Variants in ADAM32 observed in about 807,000 individuals in gnomAD.
The protein encoded by ADAM32 is ADAM metallopeptidase domain 32, also known as disintegrin and metalloproteinase domain-containing protein 32.
A neutral mutation model predicts 114.9 loss-of-function variants in ADAM32; 89 were observed. The ratio of observed to expected loss-of-function variants is 0.77; its 90% CI spans 0.65 to 0.92. The LOEUF (loss-of-function observed/expected upper bound fraction) is 0.92, where lower values mean the gene tolerates loss of function less well. Ranked by LOEUF, ADAM32 falls within the 40% of genes least tolerant of loss-of-function variation. The pLI is 0.00. For synonymous variants in ADAM32, 285 were observed against 307.5 expected (o/e 0.93, Z 0.77); for missense variants, 870 against 932.8 (o/e 0.93, Z 0.88).
intron 14 of ADAM32, chr8:39,224,166 A>G (rs779938224): frequency 2.8e-4 from 43 of 152,164 alleles, no homozygotes; most frequent in Non-Finnish European, 5.7e-4. Context: ...AGATTGTGCT[A>G]TACTTTTTCA....
intron 6 of ADAM32, 76 bp from the exon 7 acceptor site, chr8:39,160,821 T>A: frequency 7.9e-7 from 1 of 1,258,752 alleles, no homozygotes; most frequent in South Asian, 1.5e-5. Context: ...TGCTGTGGTA[T>A]TAGCTTTAAA....
intron 20 of ADAM32, 66 bp downstream of exon 20, chr8:39,270,980 A>G (rs1812682182): frequency 6.8e-7 from 1 of 1,469,104 alleles, no homozygotes; most frequent in African/African-American, 1.4e-5. Flanking sequence ...ATAATTCACA[A>G]TTTATTTCCA....
chr8:39,211,144 G>T lies in ADAM32; in HGVS notation c.1053G>T (p.Val351=). The change falls in exon 12 of 25, where the codon GTG becomes GTT. Residue 351 remains valine (V), a splice_region_variant and synonymous_variant. Coordinates refer to ENST00000379907, the MANE Select transcript of ADAM32 (RefSeq NM_145004.7). ...TGACATTATATGGATTCATCTTTAG[G>T]CAATCCAATGGTGTGAAGACTTTTA... ...ESTCIMNPEV[V]QSNGVKTFSS... 6.4e-7 allele frequency: 1 copy of T among 1,555,900 alleles called. No individual in the cohort carries two copies. Among genetic ancestry groups the T allele is most frequent in the South Asian group, 1.3e-5 (1 of 79,924 alleles).
intron 11 of ADAM32, among the ~76,000 whole-genome samples, chr8:39,193,924 C>G (rs1242757410): frequency 6.6e-6 from 1 of 152,172 alleles, no homozygotes; most frequent in East Asian, 1.9e-4. Flanking sequence ...ATAGGTGGTG[C>G]CAGCCAAAGT....
intron 10 of ADAM32, among the ~76,000 whole-genome samples, chr8:39,174,512 A>G (rs1299545135): frequency 2.0e-5 from 3 of 150,012 alleles, no homozygotes; most frequent in Non-Finnish European, 4.4e-5. Flanking sequence ...TTATTTGTTT[A>G]TTTTTTATTA....
At chr8:39,193,707 A>AT (rs1806750650) in intron 11 of ADAM32, among the ~76,000 whole-genome samples, 1 of 151,608 alleles carries the variant, frequency 6.6e-6, no homozygotes. Context: ...TGGGGGTTTG[A>AT]TTTTGGTATC....
intron 12 of ADAM32, 56 bp from the exon 13 acceptor site, chr8:39,221,554 A>G: frequency 7.3e-7 from 1 of 1,371,352 alleles, no homozygotes; most frequent in Non-Finnish European, 1.0e-6. Context: ...AACTCCTAGT[A>G]AAGATTTTAC....
intron 11 of ADAM32, among the ~76,000 whole-genome samples, chr8:39,189,533 A>G (rs779621736): frequency 1.3e-5 from 2 of 152,104 alleles, no homozygotes; most frequent in Non-Finnish European, 2.9e-5. Context: ...TGATATTTTC[A>G]TATCTGTATA....
In ADAM32 at chr8:39,165,049, T is replaced by C; in HGVS notation, c.686T>C (p.Val229Ala). 3.1e-6 allele frequency: 5 copies of C among 1,600,736 alleles called. No homozygotes were observed. Among genetic ancestry groups the C allele is most frequent in the Non-Finnish European group, 4.3e-6 (5 of 1,174,148 alleles). ...TTTTAGATGTTCACCCAATTTAAAG[T>C]TACTATTGTGCTGTCATCATTGGAG... ...LANSMFTQFK[V>A]TIVLSSLELW... Residue 229 changes from valine to alanine, a missense_variant, in exon 9 of 25, where the codon GTT becomes GCT. By Grantham distance (64) the Val-to-Ala change is moderately conservative (BLOSUM62 0). Coordinates refer to ENST00000379907, the MANE Select transcript of ADAM32 (RefSeq NM_145004.7).
intron 19 of ADAM32, among the ~76,000 whole-genome samples, chr8:39,264,182 G>T (rs1318434463): frequency 2.6e-5 from 4 of 152,114 alleles, no homozygotes; most frequent in Non-Finnish European, 5.9e-5. Context: ...TAAATTGTGT[G>T]TCACTGGGGT....
In ADAM32 at chr8:39,274,280, A is replaced by T. The variant is rs1812934854; in HGVS notation, c.2202-32A>T. On this transcript the variant is annotated intron_variant, in intron 20 of 24. Coordinates refer to ENST00000379907, the MANE Select transcript of ADAM32 (RefSeq NM_145004.7). ...GAAGTTGGCAAGTTTTCTTAGTACTAACTTGAGACATTGCTTTCAATTTTT... is the reference window on the plus strand; with the variant it reads ...GAAGTTGGCAAGTTTTCTTAGTACTTACTTGAGACATTGCTTTCAATTTTT... 10 of 1,611,936 alleles carry T rather than the reference A, an allele frequency of 6.2e-6. No individual in the cohort carries two copies. The African/African-American group carries it at 8.0e-5, about 13-fold the overall frequency.
intron 3 of ADAM32, among the ~76,000 whole-genome samples, chr8:39,144,967 G>GAAGAC (rs200230885): frequency 0.015 from 2,234 of 152,278 alleles, 23 homozygotes; most frequent in Non-Finnish European, 0.023. Context: ...CAAGTTCAGT[G>GAAGAC]AAGTTGTGGG....
intron 6 of ADAM32, among the ~76,000 whole-genome samples, chr8:39,152,862 C>A (rs2129445628): frequency 6.6e-6 from 1 of 152,206 alleles, no homozygotes; most frequent in African/African-American, 2.4e-5. Context: ...AAAATTATGG[C>A]CAATGACGTG....
At chr8:39,180,650 A>G (rs1247934110) in intron 10 of ADAM32, among the ~76,000 whole-genome samples, 3 of 152,184 alleles carry the variant, frequency 2.0e-5, no homozygotes, top group African/African-American at 7.2e-5. Context: ...TAAATACACC[A>G]ATTGGCACTC....
intron 10 of ADAM32, among the ~76,000 whole-genome samples, chr8:39,186,043 A>G (rs921186961): frequency 6.6e-6 from 1 of 152,198 alleles, no homozygotes. Flanking sequence ...GTCCTCAGCC[A>G]TGTCAATCCA....
chr8:39,142,694 T>C (rs1803239637), intron 3 of ADAM32, among the ~76,000 whole-genome samples: 1 of 152,186 alleles, frequency 6.6e-6, no homozygotes, highest in Admixed American at 6.5e-5. Context: ...GGGTTGCTCT[T>C]CCCGAGGAAT....
chr8:39,245,759 T>G (rs544128672), intron 16 of ADAM32, among the ~76,000 whole-genome samples: 3 of 152,218 alleles, frequency 2.0e-5, no homozygotes, highest in Non-Finnish European at 4.4e-5. Context: ...AAGTAGACAA[T>G]ATAATATCCT....
intron 10 of ADAM32, among the ~76,000 whole-genome samples, chr8:39,184,632 G>C (rs1335374101): frequency 1.3e-5 from 2 of 152,146 alleles, no homozygotes; most frequent in African/African-American, 4.8e-5. Context: ...AATAGCTACA[G>C]GTCCCTCTGT....
chr8:39,284,646 C>A, intron 24 of ADAM32, 147 bp from the exon 25 acceptor site: 1 of 789,812 alleles, frequency 1.3e-6, no homozygotes, highest in Non-Finnish European at 2.0e-6. Flanking sequence ...TAAATAATTT[C>A]ACAGGCAAAA....
Sources: gnomAD v4.1 joint callset for allele counts (sites outside exome capture counted in the v4.1 genomes callset) on GRCh38, gnomAD v4.1.1 for gene constraint, MANE v1.5 for transcripts, NCBI Gene and HGNC (gene_info 2026-07-23, HGNC 2026-07-21) for gene names.